FAM171A1: variants seen among roughly 807,000 people sequenced by gnomAD.
The protein encoded by FAM171A1 is protein FAM171A1.
A neutral mutation model predicts 74.9 loss-of-function variants in FAM171A1; 23 were observed. The observed-to-expected ratio is 0.31, with a 90% CI of 0.22 to 0.44. The LOEUF (loss-of-function observed/expected upper bound fraction) is 0.44, where lower values mean the gene tolerates loss of function less well. Among genes scored for constraint, FAM171A1 ranks in the 20% least tolerant of loss-of-function variants. FAM171A1 has a pLI of 1.00. For synonymous variants in FAM171A1, 527 were observed against 505.7 expected (o/e 1.04, Z -0.57); for missense variants, 1,162 against 1,159.2 (o/e 1.00, Z -0.03).
rs142652879 is a variant in FAM171A1, at chr10:15,233,732, T to A, written c.755-12672A>T. On this transcript the variant is annotated intron_variant, in intron 5 of 7. Transcript: ENST00000378116. ...TCGTGGCCAATGTGGTGAAACCCCA[T>A]CTCTACTAAAAATACAAAAAGTAGC... Among the ~76,000 whole-genome samples the A allele has an allele frequency of 6.3e-3, 963 of 152,070 alleles. 4 individuals carry two copies. Among genetic ancestry groups the A allele is most frequent in the Non-Finnish European group, 0.011 (732 of 67,992 alleles).
At chr10:15,233,478 A>G (rs1834235473) in intron 5 of FAM171A1, among the ~76,000 whole-genome samples, 1 of 151,474 alleles carries the variant, frequency 6.6e-6, no homozygotes, top group Non-Finnish European at 1.5e-5. Flanking sequence ...CTTCTGTGGA[A>G]GCTTCTAGTG....
intron 7 of FAM171A1, 65 bp from the exon 8 acceptor site, chr10:15,214,666 T>C: frequency 6.7e-7 from 1 of 1,491,766 alleles, no homozygotes; most frequent in East Asian, 2.4e-5. Context: ...AGTTTCAAGT[T>C]TCAGGTAAAA....
intron 1 of FAM171A1, among the ~76,000 whole-genome samples, chr10:15,354,487 C>T (rs1465772372): frequency 6.6e-6 from 1 of 151,638 alleles, no homozygotes; most frequent in Non-Finnish European, 1.5e-5. Context: ...CAGAGCGAGA[C>T]CCTGTCTCAA....
chr10:15,321,736 C>A (rs1324465346), intron 1 of FAM171A1, among the ~76,000 whole-genome samples: 1 of 152,148 alleles, frequency 6.6e-6, no homozygotes, highest in Non-Finnish European at 1.5e-5. Context: ...ATGGTTTGAG[C>A]ATTAAGTCAA....
At chr10:15,331,284 G>A (rs910944467) in intron 1 of FAM171A1, among the ~76,000 whole-genome samples, 1 of 152,304 alleles carries the variant, frequency 6.6e-6, no homozygotes, top group South Asian at 2.1e-4. Context: ...AACTGCAAAC[G>A]AAGAAGCTGC....
At chr10:15,269,028 ACT>A (rs1353787865) in intron 3 of FAM171A1, among the ~76,000 whole-genome samples, 1 of 127,420 alleles carries the variant, frequency 7.8e-6, no homozygotes, top group Non-Finnish European at 1.6e-5. Context: ...GGCAACAGAG[ACT>A]CTGTCTCAAA....
At chr10:15,301,344 C>CTA (rs370421783) in intron 1 of FAM171A1, among the ~76,000 whole-genome samples, 33,975 of 139,190 alleles carry the variant, frequency 0.24, 4,982 homozygotes, top group South Asian at 0.46. Flanking sequence ...ACACGCCCAG[C>CTA]TATATATATA....
intron 4 of FAM171A1, among the ~76,000 whole-genome samples, chr10:15,251,803 A>G (rs1266476293): frequency 6.6e-6 from 1 of 152,204 alleles, no homozygotes; most frequent in Non-Finnish European, 1.5e-5. Context: ...TGAGTTTTAT[A>G]TAGAAAGTGG....
intron 1 of FAM171A1, among the ~76,000 whole-genome samples, chr10:15,311,367 A>G (rs1835357524): frequency 2.0e-5 from 3 of 152,156 alleles, no homozygotes; most frequent in Admixed American, 6.5e-5. Context: ...TGGAGAAAAA[A>G]ATTAAGCCTA....
intron 5 of FAM171A1, among the ~76,000 whole-genome samples, chr10:15,225,775 A>G (rs574479961): frequency 6.6e-6 from 1 of 152,286 alleles, no homozygotes; most frequent in South Asian, 2.1e-4. Flanking sequence ...GGGAGGAACC[A>G]GGTTGTTCCT....
At chr10:15,281,681 G>A (rs143804470) in intron 2 of FAM171A1, among the ~76,000 whole-genome samples, 55 of 152,254 alleles carry the variant, frequency 3.6e-4, no homozygotes, top group African/African-American at 1.3e-3. Flanking sequence ...GGCCAACATG[G>A]CAAAACCCCA....
At chr10:15,291,839 G>T (rs1484006316) in intron 1 of FAM171A1, among the ~76,000 whole-genome samples, 1 of 152,102 alleles carries the variant, frequency 6.6e-6, no homozygotes, top group Admixed American at 6.6e-5. Flanking sequence ...CAGATACCCA[G>T]CCATGCGGCT....
At chr10:15,368,245 TG>T (rs1836090555) in intron 1 of FAM171A1, among the ~76,000 whole-genome samples, 2 of 152,198 alleles carry the variant, frequency 1.3e-5, no homozygotes, top group Admixed American at 1.3e-4. Flanking sequence ...GAAGAGAGTC[TG>T]AAGCCAAGCC....
intron 4 of FAM171A1, among the ~76,000 whole-genome samples, chr10:15,251,113 G>C (rs1834501386): frequency 6.6e-6 from 1 of 152,080 alleles, no homozygotes; most frequent in Non-Finnish European, 1.5e-5. Context: ...AACTAAGGAG[G>C]GTAGACTAGA....
At chr10:15,248,189 G>A (rs1343815229) in intron 5 of FAM171A1, among the ~76,000 whole-genome samples, 1 of 152,020 alleles carries the variant, frequency 6.6e-6, no homozygotes, top group African/African-American at 2.4e-5. Flanking sequence ...AGATATATTA[G>A]TGGTTTTCTC....
In FAM171A1 at chr10:15,275,900, G is replaced by A. The variant is rs148323140; in HGVS notation, c.373C>T (p.Leu125=). ...LGLLPERSAT[L]MVYEDVVQIV... ...TGGACGACATCTTCATATACCATTA[G>A]AGTGGCAGAGCGTTCTGGAAGCAGG... Residue 125 remains leucine (L), a synonymous_variant, in exon 3 of 8, where the codon CTA becomes TTA. Coordinates refer to ENST00000378116, the MANE Select transcript of FAM171A1 (RefSeq NM_001010924.2). 9.3e-4 allele frequency: 1,493 copies of A among 1,613,024 alleles called. 7 individuals carry two copies. In the Middle Eastern group the frequency reaches 0.019, roughly 20 times the overall value.
intron 1 of FAM171A1, among the ~76,000 whole-genome samples, chr10:15,324,738 AAAAAAAAAGTCCAC>A (rs1835530070): frequency 6.8e-6 from 1 of 146,840 alleles, no homozygotes; most frequent in African/African-American, 2.7e-5. Flanking sequence ...GTGAGGGGGA[AAAAAAAAAGTCCAC>A]AAAAAAAAGG....
intron 1 of FAM171A1, among the ~76,000 whole-genome samples, chr10:15,369,615 C>T (rs1411181389): frequency 2.6e-5 from 4 of 152,214 alleles, no homozygotes; most frequent in African/African-American, 9.7e-5. Flanking sequence ...AATGATACTG[C>T]AAGTGCCAGA....
intron 1 of FAM171A1, among the ~76,000 whole-genome samples, chr10:15,291,001 C>T (rs932580433): frequency 2.6e-5 from 4 of 152,196 alleles, no homozygotes; most frequent in African/African-American, 9.7e-5. Context: ...CACGCATGCA[C>T]CACCACATCC....
Sources: gnomAD v4.1 joint callset for allele counts (sites outside exome capture counted in the v4.1 genomes callset) on GRCh38, gnomAD v4.1.1 for gene constraint, MANE v1.5 for transcripts, NCBI Gene and HGNC (gene_info 2026-07-23, HGNC 2026-07-21) for gene names.